VIPR1: variants seen among roughly 807,000 people sequenced by gnomAD.
The protein encoded by VIPR1 is vasoactive intestinal peptide receptor 1, also known as vasoactive intestinal polypeptide receptor 1.
VIPR1 carries 59 observed loss-of-function variants against 58.8 expected under a neutral mutation model. The observed-to-expected ratio is 1.00, with a 90% CI of 0.81 to 1.25. The LOEUF (loss-of-function observed/expected upper bound fraction) is 1.25. Ranked by LOEUF, VIPR1 falls within the 50% of genes most tolerant of loss-of-function variation. VIPR1 has a pLI of 0.00. For synonymous variants in VIPR1, 251 were observed against 242.1 expected (o/e 1.04, Z -0.34); for missense variants, 626 against 602.7 (o/e 1.04, Z -0.40).
chr3:42,502,514 C>A, upstream of VIPR1: 2 of 359,042 alleles, frequency 5.6e-6, no homozygotes, highest in Non-Finnish European at 9.9e-6. Flanking sequence ...CAGCCCCGCC[C>A]CATACCTGCG....
In VIPR1 at chr3:42,521,609, A is replaced by G. The variant is rs1014937629; in HGVS notation, c.292+2279A>G. The G allele has an allele frequency of 2.0e-5, 3 of 152,316 alleles. No homozygotes were observed. The East Asian group carries it at 5.8e-4, about 29-fold the overall frequency. 9.4% of individuals were successfully genotyped at this position (152,316 alleles called of 1,614,324 possible). The stretch of plus-strand genomic sequence containing the variant: ...ATACAGGGAAAGCTAAATAAACCTT[A>G]TAGAAGATAAAAATTGTGGAGAGTT... On this transcript the variant is annotated intron_variant, in intron 3 of 12. Transcript: ENST00000325123.
upstream of VIPR1, chr3:42,502,584 G>C: frequency 1.9e-6 from 1 of 532,254 alleles, no homozygotes; most frequent in Non-Finnish European, 2.8e-6. Context: ...ACGAGCCCCC[G>C]GGGCCCGCCC....
chr3:42,533,473 C>G (rs949546492), intron 10 of VIPR1: 1 of 152,106 alleles, frequency 6.6e-6, no homozygotes, highest in Non-Finnish European at 1.5e-5. Flanking sequence ...CACATCGGGC[C>G]TGTGCACCCT....
Position 42,502,726 on chromosome 3 carries a change from A to G in VIPR1, c.-10A>G, listed in dbSNP as rs1388752733. The G allele has an allele frequency of 1.5e-6, 2 of 1,304,068 alleles. No individual in the cohort carries two copies. Among genetic ancestry groups the G allele is most frequent in the East Asian group, 3.1e-5 (1 of 31,822 alleles). 80.8% of individuals were successfully genotyped at this position (1,304,068 alleles called of 1,614,324 possible). On this transcript the variant is annotated 5_prime_UTR_variant, in exon 1 of 13. Transcript: ENST00000325123. Reference sequence around the variant, plus strand: ...GCGCGGGGCCGCCCGCCGCGGGCTCAGGGCAGACCATGCGCCCGCCAAGTC... The same window carrying G: ...GCGCGGGGCCGCCCGCCGCGGGCTCGGGGCAGACCATGCGCCCGCCAAGTC...
rs1701106580 is a variant in VIPR1, at chr3:42,524,147, T to C, written c.293-1740T>C. Among the ~76,000 whole-genome samples the C allele has an allele frequency of 2.6e-5, 4 of 152,162 alleles. 1 individual carries two copies. The South Asian group carries it at 8.3e-4, about 32-fold the overall frequency. On this transcript the variant is annotated intron_variant, in intron 3 of 12. Coordinates refer to ENST00000325123, the MANE Select transcript of VIPR1 (RefSeq NM_004624.4). ...CTGTTTTCTACCTGCCTGAGCCTTG[T>C]AGGGGGAAGTCCTCAAATGAATCAG...
intron 1 of VIPR1, among the ~76,000 whole-genome samples, chr3:42,510,681 C>G (rs961760698): frequency 5.9e-5 from 9 of 152,146 alleles, no homozygotes; most frequent in Non-Finnish European, 1.0e-4. Context: ...TCCATTTCCT[C>G]TACCCCTCCC....
chr3:42,501,970 T>C (rs1215277994), upstream of VIPR1: 1 of 152,252 alleles, frequency 6.6e-6, no homozygotes, highest in African/African-American at 2.4e-5. The surrounding 1 kb of genome is among the most constrained non-coding windows in gnomAD (Gnocchi z 4.8). Flanking sequence ...ACCCAACAGG[T>C]GCTGAGCGCG....
At chr3:42,527,788 C>T (rs1701313350) in intron 5 of VIPR1, 3 of 743,562 alleles carry the variant, frequency 4.0e-6, no homozygotes, top group East Asian at 5.3e-5. Context: ...GAGGTTGAGG[C>T]CCTTGGGAGC....
intron 1 of VIPR1, among the ~76,000 whole-genome samples, chr3:42,503,591 G>C (rs1699976974): frequency 6.6e-6 from 1 of 152,130 alleles, no homozygotes. Flanking sequence ...GTGTTCCTGT[G>C]GATGGCTTAC....
intron 2 of VIPR1, among the ~76,000 whole-genome samples, chr3:42,517,597 G>A (rs1035270128): frequency 1.3e-5 from 2 of 152,208 alleles, no homozygotes; most frequent in African/African-American, 4.8e-5. Context: ...ACAATGCAGG[G>A]TTTTCGCTGC....
In VIPR1 at chr3:42,527,399, A is replaced by T. The variant is rs1395771879; in HGVS notation, c.406A>T (p.Thr136Ser). The T allele has an allele frequency of 1.2e-6, 2 of 1,613,470 alleles. No individual in the cohort carries two copies. Among genetic ancestry groups the T allele is most frequent in the Non-Finnish European group, 1.7e-6 (2 of 1,179,710 alleles). ...CTCCCTGTCCCTCCAACAGCAGCAG[A>T]CCATGTTCTACGGTTCTGTGAAGAC... Reference protein sequence around the residue: ...DKAASLDEQQTMFYGSVKTGY... With the variant: ...DKAASLDEQQSMFYGSVKTGY... Residue 136 changes from threonine (T) to serine (S), a missense_variant, in exon 5 of 13, where the codon ACC becomes TCC. By Grantham distance (58) the Thr-to-Ser change is moderately conservative. Transcript: ENST00000325123.
At position 42,522,102 on chromosome 3, in the gene VIPR1, T is replaced by TATATA. The variant is rs1553638336; in HGVS notation, c.292+2772_292+2773insATATA. 1.6e-3 allele frequency among the ~76,000 whole-genome samples: 22 copies of TATATA among 13,658 alleles called. No individual in the cohort carries two copies. In the South Asian group the frequency reaches 0.036, roughly 23 times the overall value. The allele number at this position is 13,658 out of a possible 152,430, so 9.0% of individuals were successfully genotyped here. ...TCGAATATATATATATATATATATA[T>TATATA]TTTTTTTTTTTTTTTTTTTTTTTTT... On this transcript the variant is annotated intron_variant, in intron 3 of 12. Transcript: ENST00000325123.
At chr3:42,498,446 C>A (rs908562418), upstream of VIPR1, among the ~76,000 whole-genome samples, 2 of 152,144 alleles carry the variant, frequency 1.3e-5, no homozygotes. Flanking sequence ...TCTCACAGGT[C>A]CCCCTGCCAT....
In VIPR1 at chr3:42,497,339, C is replaced by T. The variant is rs191170743; in HGVS notation, c.-245+7661C>T. ...CCTAACTCTACTTCCTCCCTGCACA[C>T]GCTGGCCAAGCCCTGCTCTCAGACC... On this transcript the variant is annotated intron_variant, in intron 1 of 13. Transcript: ENST00000433647. Among the ~76,000 whole-genome samples the T allele has an allele frequency of 1.6e-4, 24 of 152,322 alleles. No homozygotes were observed. In the East Asian group the frequency reaches 3.5e-3, roughly 22 times the overall value.
At chr3:42,501,362 A>G (rs1339503597), upstream of VIPR1, among the ~76,000 whole-genome samples, 1 of 151,536 alleles carries the variant, frequency 6.6e-6, no homozygotes, top group Admixed American at 6.6e-5. The surrounding 1 kb of genome is among the most constrained non-coding windows in gnomAD (Gnocchi z 4.8). Flanking sequence ...CTAGCGCGGG[A>G]CCTCCTTCAG....
At chr3:42,504,774 G>T in intron 1 of VIPR1, among the ~76,000 whole-genome samples, 1 of 134,136 alleles carries the variant, frequency 7.5e-6, no homozygotes, top group African/African-American at 2.6e-5. Context: ...GGGGGGGCGG[G>T]GTGACAGGAG....
intron 1 of VIPR1, among the ~76,000 whole-genome samples, chr3:42,492,124 C>T (rs1699675917): frequency 6.6e-6 from 1 of 151,924 alleles, no homozygotes; most frequent in South Asian, 2.1e-4. Flanking sequence ...TCCCAACTCC[C>T]TCCTCCCCTC....
chr3:42,502,795 C>T lies in VIPR1; in HGVS notation c.60C>T (p.Ala20=). The change falls in exon 1 of 13, where the codon GCC becomes GCT. Residue 20 remains alanine, a synonymous_variant. Coordinates refer to ENST00000325123, the MANE Select transcript of VIPR1 (RefSeq NM_004624.4). ...RWLCVLAGAL[A]WALGPAGGQA... ...TATGCGTGCTGGCAGGCGCCCTCGC[C>T]TGGGCCCTTGGGCCGGCGGTGAGTG... 1 of 1,273,906 alleles carries T rather than the reference C, an allele frequency of 7.8e-7. No individual in the cohort carries two copies. Among genetic ancestry groups the T allele is most frequent in the Non-Finnish European group, 9.9e-7 (1 of 1,011,936 alleles). The allele number at this position is 1,273,906 out of a possible 1,614,324, so 78.9% of individuals were successfully genotyped here.
Position 42,536,894 on chromosome 3 carries a change from G to GT in VIPR1, c.*615dup, listed in dbSNP as rs1267006126. ...TTTGGAGAGCACACCTATCTTAGTG[G>GT]TTCCCCACCGAAGTGGACTGGCCCC... On this transcript the variant is annotated 3_prime_UTR_variant, in exon 13 of 13. Transcript: ENST00000325123. 3 of 152,214 alleles carry GT rather than the reference G, an allele frequency of 2.0e-5. No homozygotes were observed. The highest frequency in any genetic ancestry group is 4.4e-5 in the Non-Finnish European group (3 of 68,070). 9.4% of individuals were successfully genotyped at this position (152,214 alleles called of 1,614,324 possible). A position where few individuals can be genotyped will look rare whatever the true frequency, so the allele number is the denominator to read the frequency against.
Sources: allele counts gnomAD v4.1 joint callset (sites outside exome capture counted in the v4.1 genomes callset), GRCh38; gene constraint gnomAD v4.1.1; non-coding constraint Gnocchi (gnomAD v3.1); transcripts MANE v1.5; gene names NCBI Gene and HGNC (gene_info 2026-07-23, HGNC 2026-07-21).